Variants in SPIDR observed in about 807,000 individuals in gnomAD.
SPIDR encodes the protein scaffold protein involved in DNA repair, also known as DNA repair-scaffolding protein.
A neutral mutation model predicts 104.6 loss-of-function variants in SPIDR; 93 were observed. The observed-to-expected ratio is 0.89, with a 90% CI of 0.75 to 1.06. The LOEUF (loss-of-function observed/expected upper bound fraction) is 1.06, where lower values mean the gene tolerates loss of function less well. SPIDR is among the 50% of genes least tolerant of loss of function. The pLI, the probability that SPIDR is intolerant of heterozygous loss-of-function variation, is 0.00. For missense variants in SPIDR, 1,154 were observed against 1,111.2 expected (o/e 1.04, Z -0.55); for synonymous variants, 431 against 416.9 (o/e 1.03, Z -0.41).
rs544667404 is a variant in SPIDR at position 47,582,483 on chromosome 8, C to T, written c.1098-13328C>T. Reference sequence around the variant, plus strand: ...TGATAGAAAATGAAAAGATGTTTCACATGGTTTTCCTTCTTTGGTCTTTTA... The same window carrying T: ...TGATAGAAAATGAAAAGATGTTTCATATGGTTTTCCTTCTTTGGTCTTTTA... On this transcript the variant is annotated intron_variant, in intron 8 of 19. Transcript: ENST00000297423. Among the ~76,000 whole-genome samples the T allele has an allele frequency of 2.0e-5, 3 of 152,262 alleles. No individual in the cohort carries two copies. The East Asian group carries it at 5.8e-4, about 29-fold the overall frequency.
At chr8:47,706,216 C>T (rs183698893) in intron 14 of SPIDR, among the ~76,000 whole-genome samples, 2 of 152,138 alleles carry the variant, frequency 1.3e-5, no homozygotes, top group Non-Finnish European at 2.9e-5. Flanking sequence ...CATGGTGAAA[C>T]CCTGTCTCTA....
At chr8:47,266,030 G>GT (rs1208055123) in intron 1 of SPIDR, among the ~76,000 whole-genome samples, 1 of 150,894 alleles carries the variant, frequency 6.6e-6, no homozygotes, top group African/African-American at 2.4e-5. Flanking sequence ...GATGACAGGC[G>GT]TGAGCCACCA....
intron 8 of SPIDR, among the ~76,000 whole-genome samples, chr8:47,509,508 A>G (rs1319201430): frequency 6.6e-6 from 1 of 152,156 alleles, no homozygotes; most frequent in Non-Finnish European, 1.5e-5. Context: ...AGGGCCCAGG[A>G]GAGTGCCACT....
intron 8 of SPIDR, among the ~76,000 whole-genome samples, chr8:47,564,072 CTTTTT>C (rs869220760): frequency 1.3e-5 from 1 of 76,834 alleles, no homozygotes; most frequent in African/African-American, 5.1e-5. Context: ...TTTTTCTTTT[CTTTTT>C]TTTTTTTTTT....
chr8:47,472,941 C>A (rs999417920), intron 8 of SPIDR, among the ~76,000 whole-genome samples: 4 of 152,182 alleles, frequency 2.6e-5, no homozygotes, highest in Admixed American at 2.0e-4. Flanking sequence ...TTAAGAAAAT[C>A]TTTCCTTTCT....
At chr8:47,376,416 G>C (rs1554642363) in intron 5 of SPIDR, among the ~76,000 whole-genome samples, 4 of 152,210 alleles carry the variant, frequency 2.6e-5, no homozygotes, top group Non-Finnish European at 5.9e-5. Context: ...GGGAAGCCCT[G>C]TATATAGAAC....
chr8:47,376,657 G>A (rs2154297919), intron 5 of SPIDR, among the ~76,000 whole-genome samples: 1 of 152,172 alleles, frequency 6.6e-6, no homozygotes, highest in East Asian at 1.9e-4. Flanking sequence ...GGTCATAGTA[G>A]GTTCCAATAA....
At chr8:47,721,947 T>C (rs2083461610) in intron 16 of SPIDR, among the ~76,000 whole-genome samples, 1 of 152,186 alleles carries the variant, frequency 6.6e-6, no homozygotes, top group Non-Finnish European at 1.5e-5. Context: ...TAGGATAGTG[T>C]TGAGTCTGTA....
intron 6 of SPIDR, among the ~76,000 whole-genome samples, chr8:47,400,923 T>C (rs782321546): frequency 6.6e-6 from 1 of 152,084 alleles, no homozygotes; most frequent in Admixed American, 6.6e-5. Flanking sequence ...CAGGATATTA[T>C]CCAGGAGAAC....
chr8:47,521,410 T>C (rs1195389763), intron 8 of SPIDR, among the ~76,000 whole-genome samples: 1 of 151,964 alleles, frequency 6.6e-6, no homozygotes, highest in Non-Finnish European at 1.5e-5. Context: ...CCAGAAACAA[T>C]ACCCAGTCGT....
intron 11 of SPIDR, among the ~76,000 whole-genome samples, chr8:47,687,161 C>T (rs1169327649): frequency 2.0e-5 from 3 of 152,146 alleles, no homozygotes; most frequent in African/African-American, 7.2e-5. Context: ...CTGGACCATA[C>T]ATTTGTAAAA....
chr8:47,527,564 GACACC>G (rs2085220518), intron 8 of SPIDR: 1 of 152,248 alleles, frequency 6.6e-6, no homozygotes, highest in Non-Finnish European at 1.5e-5. Context: ...CAAAAACATG[GACACC>G]AGAGAAAATT....
chr8:47,368,251 T>G (rs2057482013), intron 5 of SPIDR, among the ~76,000 whole-genome samples: 1 of 147,028 alleles, frequency 6.8e-6, no homozygotes, highest in South Asian at 2.1e-4. Flanking sequence ...CATTGGTGAT[T>G]AGTTTCAATG....
chr8:47,659,578 C>G (rs1281754663), intron 10 of SPIDR: 1 of 337,782 alleles, frequency 3.0e-6, no homozygotes, highest in Non-Finnish European at 4.2e-6. Flanking sequence ...TCCCAGGCGG[C>G]TACAGGAGTG....
At chr8:47,687,761 C>T (rs1322319164) in intron 11 of SPIDR, among the ~76,000 whole-genome samples, 1 of 152,094 alleles carries the variant, frequency 6.6e-6, no homozygotes, top group Admixed American at 6.6e-5. Context: ...ACTTTTTGTA[C>T]ATCTTTAGAA....
intron 10 of SPIDR, among the ~76,000 whole-genome samples, chr8:47,622,030 T>C (rs1432981350): frequency 1.3e-5 from 2 of 152,072 alleles, no homozygotes; most frequent in Admixed American, 6.5e-5. Flanking sequence ...AGAATTATCT[T>C]ATGGGCAAAC....
At chr8:47,574,813 A>T (rs572781238) in intron 8 of SPIDR, among the ~76,000 whole-genome samples, 2 of 151,990 alleles carry the variant, frequency 1.3e-5, no homozygotes, top group African/African-American at 4.8e-5. Context: ...AACAGTGTCA[A>T]CTTTTATCAA....
At chr8:47,616,114 G>T (rs186964888) in intron 10 of SPIDR, among the ~76,000 whole-genome samples, 5 of 152,114 alleles carry the variant, frequency 3.3e-5, no homozygotes, top group African/African-American at 9.7e-5. Flanking sequence ...TTGTCATCGC[G>T]AGTAAAGACA....
chr8:47,430,287 C>T (rs1169017298), intron 7 of SPIDR, among the ~76,000 whole-genome samples: 1 of 152,222 alleles, frequency 6.6e-6, no homozygotes, highest in African/African-American at 2.4e-5. Context: ...CAGCAAGACA[C>T]AAACACCTCC....
Sources: gnomAD v4.1 joint callset for allele counts (sites outside exome capture counted in the v4.1 genomes callset) on GRCh38, gnomAD v4.1.1 for gene constraint, MANE v1.5 for transcripts, NCBI Gene and HGNC (gene_info 2026-07-23, HGNC 2026-07-21) for gene names.